Variants in USH2A observed in about 807,000 individuals in gnomAD.
USH2A encodes Usher syndrome 2A (autosomal recessive, mild).
USH2A carries 443 observed loss-of-function variants against 538.9 expected under a neutral mutation model. The observed-to-expected ratio is 0.82, with a 90% CI of 0.76 to 0.89. The LOEUF is 0.89. Ranked by LOEUF, USH2A falls within the 40% of genes least tolerant of loss-of-function variation. The pLI is 0.00. For missense variants in USH2A, 6,633 were observed against 6,324.8 expected, an observed-to-expected ratio of 1.05 and a Z score of -1.65; for synonymous variants, 2,413 against 2,273.5, an observed-to-expected ratio of 1.06 and a Z score of -1.75.
chr1:216,401,764 T>G (rs574677968), intron 3 of USH2A, among the ~76,000 whole-genome samples: 5 of 152,056 alleles, frequency 3.3e-5, no homozygotes, highest in Admixed American at 2.0e-4. Flanking sequence ...ATCCTAAACA[T>G]GTATGCACCT....
chr1:215,630,460 ATATG>A (rs1373938266), intron 70 of USH2A, among the ~76,000 whole-genome samples: 98 of 136,706 alleles, frequency 7.2e-4, no homozygotes, highest in Non-Finnish European at 1.1e-3. Context: ...ATGTGAATAT[ATATG>A]TATGTGTATG....
At position 216,368,694 on chromosome 1, in the gene USH2A, T is replaced by C. The variant is rs147197320; in HGVS notation, c.652-3609A>G. Among the ~76,000 whole-genome samples, 33 of 152,352 alleles carry C rather than the reference T, an allele frequency of 2.2e-4. No individual in the cohort carries two copies. In the East Asian group the frequency reaches 5.0e-3, roughly 23 times the overall value. On this transcript the variant is annotated intron_variant, in intron 3 of 71. Coordinates refer to ENST00000307340, the MANE Select transcript of USH2A (RefSeq NM_206933.4). ...ATAGTGTTTGAATCACTATAAATGA[T>C]GATGGTTGTTTCTAACTTAAATACT... is the stretch of plus-strand genomic sequence containing the variant.
intron 32 of USH2A, among the ~76,000 whole-genome samples, chr1:216,043,803 G>C (rs182913671): frequency 5.9e-5 from 9 of 152,208 alleles, no homozygotes; most frequent in Admixed American, 4.6e-4. Context: ...AAGGCCCACA[G>C]TTTGAGACCT....
At chr1:215,782,619 C>T (rs1484658571) in intron 53 of USH2A, 119 bp downstream of exon 53, 22 of 1,076,800 alleles carry the variant, frequency 2.0e-5, no homozygotes, top group East Asian at 5.1e-5. Flanking sequence ...TTCCCTTTAT[C>T]GGAACATACT....
chr1:215,674,370 C>T lies in USH2A; in HGVS notation c.13541G>A (p.Ser4514Asn), dbSNP rs1012739354. The T allele has an allele frequency of 3.1e-6, 5 of 1,613,956 alleles. No homozygotes were observed. The African/African-American group carries it at 6.7e-5, about 22-fold the overall frequency. ...AAGAGGACTCAAAATACCCCCTTGG[C>T]TGTTGCTGGCAGTTACTGTGTAGCT... ...EYSYTVTASN[S>N]QGGILSPLVK... is the part of the protein sequence containing the mutation. The change falls in exon 63 of 72, where the codon AGC becomes AAC. Residue 4514 changes from serine to asparagine, a missense_variant. Ser to Asn is a conservative substitution (Grantham distance 46). Transcript: ENST00000307340.
intron 62 of USH2A, among the ~76,000 whole-genome samples, chr1:215,677,308 A>G (rs1053360484): frequency 6.6e-6 from 1 of 151,974 alleles, no homozygotes; most frequent in Non-Finnish European, 1.5e-5. Flanking sequence ...ATTATCTCCT[A>G]CGTCACCAGT....
At position 215,786,693 on chromosome 1, in the gene USH2A, C is replaced by G; in HGVS notation, c.10364G>C (p.Ser3455Thr). ...SSAEETIHTG[S>T]VNTYSYTDVN... is the part of the protein sequence containing the mutation. ...ACCTGTGTAAGAGTACGTGTTTACA[C>G]TCCCTGTATGAATGGTTTCTTCGGC... Residue 3455 changes from serine to threonine, a missense_variant, in exon 52 of 72, where the codon AGT becomes ACT. Ser to Thr is a moderately conservative substitution (Grantham distance 58). Transcript: ENST00000307340. 4 of 1,614,026 alleles carry G rather than the reference C, an allele frequency of 2.5e-6. No homozygotes were observed. The highest frequency in any genetic ancestry group is 3.4e-6 in the Non-Finnish European group (4 of 1,179,928).
intron 37 of USH2A, among the ~76,000 whole-genome samples, chr1:215,952,712 C>A (rs1666953210): frequency 6.6e-6 from 1 of 152,214 alleles, no homozygotes; most frequent in East Asian, 1.9e-4. Context: ...TTGGCCCCCA[C>A]TCTGTTCTGG....
Position 215,970,614 on chromosome 1 carries a change from T to C in USH2A, c.6957+11A>G. The C allele has an allele frequency of 6.2e-7, 1 of 1,613,538 alleles. No individual in the cohort carries two copies. The highest frequency in any genetic ancestry group is 8.5e-7 in the Non-Finnish European group (1 of 1,179,636). ...TTAACACATTCCTAGAATGTAAATT[T>C]AGATACTCACCAGTGGGCCCAGAGC... On this transcript the variant is annotated intron_variant, in intron 36 of 71. Coordinates refer to ENST00000307340, the MANE Select transcript of USH2A (RefSeq NM_206933.4).
At chr1:216,225,811 A>C (rs1230164148) in intron 14 of USH2A, among the ~76,000 whole-genome samples, 1 of 152,124 alleles carries the variant, frequency 6.6e-6, no homozygotes, top group Non-Finnish European at 1.5e-5. Context: ...TGAGGAAGTA[A>C]TGGTTAGTTC....
At chr1:215,771,579 C>CAAAAAAAAAAAAAAAAAAAA (rs759067576) in intron 55 of USH2A, among the ~76,000 whole-genome samples, 7 of 43,998 alleles carry the variant, frequency 1.6e-4, no homozygotes, top group African/African-American at 2.1e-4. Context: ...GACTCCGTCT[C>CAAAAAAAAAAAAAAAAAAAA]AAAAAAAAAA....
intron 22 of USH2A, among the ~76,000 whole-genome samples, chr1:216,094,966 GTGTGTGTGTGTGTA>G (rs111473197): frequency 0.044 from 6,757 of 151,918 alleles, 501 homozygotes; most frequent in African/African-American, 0.15. Flanking sequence ...GTGTGTGTGT[GTGTGTGTGTGTGTA>G]TAGGCATATG....
chr1:215,731,101 G>A (rs973211355), intron 60 of USH2A, among the ~76,000 whole-genome samples: 4 of 152,096 alleles, frequency 2.6e-5, no homozygotes, highest in East Asian at 1.9e-4. Context: ...AAACTCTCAC[G>A]AATTCCCAAA....
Position 215,766,693 on chromosome 1 carries a change from C to A in USH2A, c.11035G>T (p.Ala3679Ser), listed in dbSNP as rs1661137499. 6.2e-7 allele frequency: 1 copy of A among 1,613,358 alleles called. No individual in the cohort carries two copies. Among genetic ancestry groups the A allele is most frequent in the Non-Finnish European group, 8.5e-7 (1 of 1,179,508 alleles). Residue 3679 changes from alanine (A) to serine (S), a missense_variant, in exon 56 of 72, where the codon GCA becomes TCA. Coordinates refer to ENST00000307340, the MANE Select transcript of USH2A (RefSeq NM_206933.4). ...ATTGTTTCATTACCTTCAGGAGCTG[C>A]CTGCAGTGTCTGACCTAGAAAAGGC... ...SEPFLGQTLQ[A>S]APEGVWVTPR...
chr1:216,124,288 C>G (rs191318679), intron 21 of USH2A, among the ~76,000 whole-genome samples: 370 of 152,062 alleles, frequency 2.4e-3, no homozygotes, highest in Non-Finnish European at 3.9e-3. Context: ...AATATATTAG[C>G]CAAAGCACAG....
chr1:215,704,810 G>C (rs780136577), intron 61 of USH2A, among the ~76,000 whole-genome samples: 4 of 152,166 alleles, frequency 2.6e-5, no homozygotes, highest in Non-Finnish European at 4.4e-5. Context: ...TTGGAAGAGT[G>C]TCTTGACTCC....
At chr1:216,181,069 G>A (rs1282724920) in intron 20 of USH2A, among the ~76,000 whole-genome samples, 1 of 152,056 alleles carries the variant, frequency 6.6e-6, no homozygotes, top group Non-Finnish European at 1.5e-5. Flanking sequence ...AGGGAAGAAA[G>A]AATAAAATAT....
chr1:215,952,746 T>C (rs1666954578), intron 37 of USH2A, among the ~76,000 whole-genome samples: 1 of 152,228 alleles, frequency 6.6e-6, no homozygotes, highest in South Asian at 2.1e-4. Context: ...TGCCGACAGA[T>C]CAGCTGTTAG....
chr1:216,015,366 T>C (rs376931217), intron 32 of USH2A, among the ~76,000 whole-genome samples: 82 of 152,220 alleles, frequency 5.4e-4, no homozygotes, highest in African/African-American at 2.0e-3. Context: ...TGCTCCACAA[T>C]TGCTTGCTCA....
Sources: allele counts gnomAD v4.1 joint callset (sites outside exome capture counted in the v4.1 genomes callset), GRCh38; gene constraint gnomAD v4.1.1; transcripts MANE v1.5; gene names NCBI Gene and HGNC (gene_info 2026-07-23, HGNC 2026-07-21).